Variants in GPI observed in about 807,000 individuals in gnomAD.
GPI encodes the protein D-hexose-6-phosphate anomerase.
A neutral mutation model predicts 75.8 loss-of-function variants in GPI; 56 were observed. The observed-to-expected ratio is 0.74, with a 90% CI of 0.60 to 0.92. GPI has a LOEUF of 0.92. Ranked by LOEUF, GPI falls within the 40% of genes least tolerant of loss-of-function variation. GPI has a pLI of 0.00. For synonymous variants in GPI, 288 were observed against 285.4 expected, an observed-to-expected ratio of 1.01 and a Z score of -0.09; for missense variants, 638 against 741.0, an observed-to-expected ratio of 0.86 and a Z score of 1.61.
At chr19:34,378,839 C>A in intron 6 of GPI, 95 bp from the exon 7 acceptor site, 1 of 853,412 alleles carries the variant, frequency 1.2e-6, no homozygotes, top group Non-Finnish European at 2.0e-6. Flanking sequence ...CATGGGACAG[C>A]TGGGCATTGC....
chr19:34,384,250 G>C (rs914544076), intron 9 of GPI, among the ~76,000 whole-genome samples: 2 of 152,176 alleles, frequency 1.3e-5, no homozygotes, highest in African/African-American at 4.8e-5. Context: ...GTCAGACAAA[G>C]GGATGACGAA....
At chr19:34,378,903 G>T in intron 6 of GPI, 31 bp from the exon 7 acceptor site, 1 of 1,585,962 alleles carries the variant, frequency 6.3e-7, no homozygotes, top group South Asian at 1.1e-5. Flanking sequence ...CCCTAAGCTC[G>T]GGCGCCCACT....
At chr19:34,375,859 C>T (rs1029970910) in intron 4 of GPI, among the ~76,000 whole-genome samples, 5 of 152,158 alleles carry the variant, frequency 3.3e-5, no homozygotes, top group Admixed American at 6.5e-5. Context: ...CCAGCACAGG[C>T]GGAAGCTATG....
upstream of GPI, among the ~76,000 whole-genome samples, chr19:34,363,114 G>A (rs1226099142): frequency 1.1e-4 from 17 of 152,140 alleles, no homozygotes; most frequent in Non-Finnish European, 2.4e-4. Flanking sequence ...ATGAAACCTC[G>A]TCTGTACAAA....
At chr19:34,389,899 G>C (rs1287603326) in intron 9 of GPI, among the ~76,000 whole-genome samples, 1 of 152,216 alleles carries the variant, frequency 6.6e-6, no homozygotes, top group African/African-American at 2.4e-5. Context: ...TGTGGGAGGT[G>C]CTCCATAAAC....
chr19:34,391,578 G>C (rs796981391), intron 9 of GPI, among the ~76,000 whole-genome samples: 2 of 684 alleles, frequency 2.9e-3, no homozygotes, highest in Non-Finnish European at 7.1e-3. Flanking sequence ...ATCCGGGTCT[G>C]TCCATGTCTG....
At chr19:34,371,281 T>C (rs1455568369) in intron 4 of GPI, among the ~76,000 whole-genome samples, 8 of 152,212 alleles carry the variant, frequency 5.3e-5, no homozygotes, top group Admixed American at 5.2e-4. Flanking sequence ...CTCCAAAGTT[T>C]GCCAAGATTG....
intron 9 of GPI, among the ~76,000 whole-genome samples, chr19:34,382,550 C>T (rs1023678309): frequency 3.1e-4 from 47 of 152,128 alleles, no homozygotes; most frequent in African/African-American, 1.1e-3. Flanking sequence ...ATGCGGAACA[C>T]TGGTCAAGAG....
chr19:34,371,452 T>A (rs2145336394), intron 4 of GPI, among the ~76,000 whole-genome samples: 1 of 152,302 alleles, frequency 6.6e-6, no homozygotes, highest in Non-Finnish European at 1.5e-5. Context: ...TGATCTGCCA[T>A]GCTGTTCAGG....
upstream of GPI, chr19:34,364,975 C>T (rs2145310054): frequency 6.5e-7 from 1 of 1,529,738 alleles, no homozygotes; most frequent in East Asian, 2.5e-5. Flanking sequence ...CCACCCTCCC[C>T]ACTGCCACTT....
At chr19:34,370,857 G>A (rs911145139) in intron 4 of GPI, among the ~76,000 whole-genome samples, 2 of 152,228 alleles carry the variant, frequency 1.3e-5, no homozygotes, top group Non-Finnish European at 2.9e-5. Flanking sequence ...GGTTGAGTCT[G>A]TACTGAGCTG....
intron 9 of GPI, among the ~76,000 whole-genome samples, chr19:34,389,015 C>G (rs1446242371): frequency 1.3e-5 from 2 of 151,940 alleles, no homozygotes; most frequent in South Asian, 4.2e-4. Flanking sequence ...ATCACTTGAG[C>G]CCAGGAGTTT....
At chr19:34,364,311 G>A (rs766479424), upstream of GPI, among the ~76,000 whole-genome samples, 37 of 151,790 alleles carry the variant, frequency 2.4e-4, no homozygotes, top group Non-Finnish European at 4.7e-4. Flanking sequence ...GGAGTGCCCA[G>A]CCCCAGAGTT....
At chr19:34,367,559 G>A (rs932099108) in intron 3 of GPI, among the ~76,000 whole-genome samples, 1 of 152,134 alleles carries the variant, frequency 6.6e-6, no homozygotes, top group Non-Finnish European at 1.5e-5. Context: ...GGTGAGGGTG[G>A]GGTGGCATGA....
At chr19:34,369,093 G>T (rs1414512669) in intron 4 of GPI, among the ~76,000 whole-genome samples, 1 of 150,606 alleles carries the variant, frequency 6.6e-6, no homozygotes, top group Non-Finnish European at 1.5e-5. Context: ...CTCTCGCCCA[G>T]AGTGGACTGC....
In GPI at chr19:34,387,657, T is replaced by C. The variant is rs116457379; in HGVS notation, c.805-5591T>C. Among the ~76,000 whole-genome samples the C allele has an allele frequency of 4.8e-3, 733 of 152,036 alleles. 6 individuals carry two copies. The highest frequency in any genetic ancestry group is 0.017 in the African/African-American group (698 of 41,460). On this transcript the variant is annotated intron_variant, in intron 9 of 17. Coordinates refer to ENST00000356487, the MANE Select transcript of GPI (RefSeq NM_000175.5). ...TCAGTGCTGGTATGTTGACCTAGCA[T>C]TGGCACTGAGTCTGTGGATTCAGGC...
chr19:34,365,239 C>A lies in GPI; in HGVS notation c.-28C>A, dbSNP rs1387966484. 2.7e-6 allele frequency: 4 copies of A among 1,493,716 alleles called. No homozygotes were observed. The East Asian group carries it at 8.2e-5, about 30-fold the overall frequency. The allele number at this position is 1,493,716 out of a possible 1,614,324, so 92.5% of individuals were successfully genotyped here. On this transcript the variant is annotated 5_prime_UTR_variant, in exon 1 of 18. Transcript: ENST00000356487. ...GCGCTCCTTCCTCCTCGGCTCGCGTCTCACTCAGTGTACCTTCTAGTCCCG... is the reference window on the plus strand; with the variant it reads ...GCGCTCCTTCCTCCTCGGCTCGCGTATCACTCAGTGTACCTTCTAGTCCCG...
intron 12 of GPI, among the ~76,000 whole-genome samples, chr19:34,395,071 T>C (rs774454836): frequency 6.6e-6 from 1 of 152,182 alleles, no homozygotes; most frequent in Non-Finnish European, 1.5e-5. Flanking sequence ...CTTGAGTTGC[T>C]CTGGGCAGGT....
At chr19:34,379,484 G>A in intron 7 of GPI, 34 bp from the exon 8 acceptor site, 1 of 1,606,810 alleles carries the variant, frequency 6.2e-7, no homozygotes, top group East Asian at 2.2e-5. Context: ...GTCTCCCTGG[G>A]CTGGCTGTGG....
Sources: allele counts gnomAD v4.1 joint callset (sites outside exome capture counted in the v4.1 genomes callset), GRCh38; gene constraint gnomAD v4.1.1; transcripts MANE v1.5; gene names NCBI Gene and HGNC (gene_info 2026-07-23, HGNC 2026-07-21).